Variants in SOX5 observed in about 807,000 individuals in gnomAD.
SOX5 encodes the protein transcription factor SOX-5.
SOX5 carries 9 observed loss-of-function variants against 92.0 expected under a neutral mutation model. The observed-to-expected ratio is 0.10, with a 90% confidence interval of 0.06 to 0.17. The LOEUF (loss-of-function observed/expected upper bound fraction) is 0.17, where lower values mean the gene tolerates loss of function less well. Ranked by LOEUF, SOX5 falls within the 10% of genes least tolerant of loss-of-function variation. SOX5 has a pLI of 1.00. For synonymous variants in SOX5, 344 were observed against 336.3 expected (o/e 1.02, Z -0.25); for missense variants, 642 against 944.5 (o/e 0.68, Z 4.20).
At chr12:24,266,106 G>A (rs934054421) in intron 3 of SOX5, among the ~76,000 whole-genome samples, 1 of 150,222 alleles carries the variant, frequency 6.7e-6, no homozygotes, top group Non-Finnish European at 1.5e-5. Context: ...TGGAGATGGG[G>A]TTTCACCATG....
At chr12:23,829,966 A>G (rs188296437) in intron 3 of SOX5, among the ~76,000 whole-genome samples, 2 of 152,176 alleles carry the variant, frequency 1.3e-5, no homozygotes, top group African/African-American at 4.8e-5. Flanking sequence ...AGGACCTGCT[A>G]TATAAAAAGA....
At position 24,264,135 on chromosome 12, in the gene SOX5, T is replaced by C. The variant is rs367721035; in HGVS notation, c.-77+13081A>G. 7.9e-5 allele frequency among the ~76,000 whole-genome samples: 12 copies of C among 152,194 alleles called. No homozygotes were observed. In the East Asian group the frequency reaches 1.3e-3, roughly 17 times the overall value. On this transcript the variant is annotated intron_variant, in intron 3 of 4. Transcript: ENST00000446891. ...AGGGAGAGGTGAGGGAATAAAGATA[T>C]GACAAGAGTTTTTAAAAGGTTAACC...
chr12:24,212,726 T>A (rs1037516275), intron 4 of SOX5, among the ~76,000 whole-genome samples: 2 of 152,218 alleles, frequency 1.3e-5, no homozygotes, highest in African/African-American at 2.4e-5. Context: ...CCTTGCACAA[T>A]GACTGCTGAA....
chr12:24,249,990 G>A (rs1939702590), intron 3 of SOX5, among the ~76,000 whole-genome samples: 1 of 152,094 alleles, frequency 6.6e-6, no homozygotes, highest in Non-Finnish European at 1.5e-5. Context: ...TAGGGAAGCA[G>A]GCATATCTTC....
Position 24,049,638 on chromosome 12 carries a change from G to GTTTT in SOX5, c.-1-153618_-1-153615dup, listed in dbSNP as rs527647441. On this transcript the variant is annotated intron_variant, in intron 4 of 4. Transcript: ENST00000446891. ...TGTTGATATTTTCCAATCCTTCATA[G>GTTTT]TTTTTTTTTTTTTTTTTTTTTTTTT... is the stretch of plus-strand genomic sequence containing the variant. Among the ~76,000 whole-genome samples, 171 of 73,768 alleles carry GTTTT rather than the reference G, an allele frequency of 2.3e-3. 15 individuals are homozygous for GTTTT. Among genetic ancestry groups the GTTTT allele is most frequent in the African/African-American group, 8.7e-3 (147 of 16,844 alleles). 48.4% of individuals were successfully genotyped at this position (73,768 alleles called of 152,430 possible).
At chr12:23,603,572 G>A (rs1015147890) in intron 9 of SOX5, among the ~76,000 whole-genome samples, 16 of 150,318 alleles carry the variant, frequency 1.1e-4, no homozygotes, top group African/African-American at 3.9e-4. Flanking sequence ...ACTGCTTTAC[G>A]ATCACTCTTC....
chr12:24,121,730 TA>T (rs1408990947), intron 4 of SOX5, among the ~76,000 whole-genome samples: 1 of 150,124 alleles, frequency 6.7e-6, no homozygotes, highest in Non-Finnish European at 1.5e-5. Context: ...CTACTAAAAA[TA>T]AAAAATCAGC....
At chr12:23,558,548 T>C (rs921664726) in intron 11 of SOX5, among the ~76,000 whole-genome samples, 3 of 152,212 alleles carry the variant, frequency 2.0e-5, no homozygotes, top group Admixed American at 6.5e-5. Flanking sequence ...GTTGATGAAC[T>C]CATGCCACCA....
rs2074985446 is a variant in SOX5 at position 23,604,473 on chromosome 12, T to G, written c.1078A>C (p.Ile360Leu). Residue 360 changes from isoleucine (I) to leucine (L), a missense_variant, in exon 9 of 15, where the codon ATA (isoleucine) becomes CTA (leucine). Ile to Leu is a conservative substitution (Grantham distance 5). Coordinates refer to ENST00000451604, the MANE Select transcript of SOX5 (RefSeq NM_006940.6). ...GCAGCACCAAGGTTGCCTTGGGGTA[T>G]GCCTGGCAGCTTCCCTCCTGGAGAT... is the stretch of plus-strand genomic sequence containing the variant. ...QVSPGGKLPG[I>L]PQGNLGAAVS... 6.2e-7 allele frequency: 1 copy of G among 1,613,774 alleles called. No homozygotes were observed.
chr12:23,714,702 T>A (rs923444289), intron 6 of SOX5, among the ~76,000 whole-genome samples: 9 of 152,162 alleles, frequency 5.9e-5, no homozygotes, highest in Non-Finnish European at 1.0e-4. Flanking sequence ...ATGCCATGCT[T>A]TGAGATAACT....
chr12:24,140,238 G>A (rs11047278), intron 4 of SOX5, among the ~76,000 whole-genome samples: 3,447 of 152,182 alleles, frequency 0.023, 55 homozygotes, highest in South Asian at 0.05. Flanking sequence ...AGGAAGCTAT[G>A]GGGGTAAGGG....
At chr12:24,094,092 G>A (rs932034573) in intron 4 of SOX5, among the ~76,000 whole-genome samples, 3 of 151,824 alleles carry the variant, frequency 2.0e-5, no homozygotes, top group Non-Finnish European at 4.4e-5. Context: ...GATTACAGGC[G>A]CCCGCCACCA....
At chr12:24,490,778 T>G (rs1946983902) in intron 1 of SOX5, among the ~76,000 whole-genome samples, 1 of 152,176 alleles carries the variant, frequency 6.6e-6, no homozygotes, top group South Asian at 2.1e-4. Context: ...CTCATTTCCT[T>G]GTTATTGTCT....
chr12:23,587,256 T>C (rs1015057505), intron 9 of SOX5, among the ~76,000 whole-genome samples: 4 of 152,038 alleles, frequency 2.6e-5, no homozygotes, highest in African/African-American at 9.7e-5. Flanking sequence ...AACATCTCCA[T>C]ATATTTTATT....
intron 9 of SOX5, among the ~76,000 whole-genome samples, chr12:23,585,838 T>C (rs1950640678): frequency 6.6e-6 from 1 of 151,914 alleles, no homozygotes; most frequent in South Asian, 2.1e-4. Flanking sequence ...ATGGAGGATA[T>C]CTCCTCTCTT....
Position 24,329,085 on chromosome 12 carries a change from T to C in SOX5, c.-174+39478A>G, listed in dbSNP as rs530510102. ...CTGGATATTCCCATGTGCTTATAGG[T>C]CATATACTAAAATGCTACCAAGGTT... On this transcript the variant is annotated intron_variant, in intron 2 of 4. Coordinates refer to the SOX5 transcript ENST00000446891. Among the ~76,000 whole-genome samples the C allele has an allele frequency of 4.6e-5, 7 of 152,306 alleles. No homozygotes were observed. The South Asian group carries it at 1.5e-3, about 32-fold the overall frequency.
At chr12:23,764,949 T>C (rs111932290) in intron 3 of SOX5, among the ~76,000 whole-genome samples, 3 of 152,176 alleles carry the variant, frequency 2.0e-5, no homozygotes, top group African/African-American at 4.8e-5. Flanking sequence ...TGAAAAGATA[T>C]GAACAATAAA....
chr12:24,196,283 G>A (rs903408938), intron 4 of SOX5, among the ~76,000 whole-genome samples: 1 of 152,300 alleles, frequency 6.6e-6, no homozygotes, highest in East Asian at 1.9e-4. Flanking sequence ...AGATCGGTTT[G>A]TAATTAAAAA....
chr12:23,816,787 T>C (rs1225939548), intron 3 of SOX5, among the ~76,000 whole-genome samples: 1 of 152,178 alleles, frequency 6.6e-6, no homozygotes, highest in Admixed American at 6.5e-5. Context: ...TCACTATGGC[T>C]GCAGGTTGAC....
Sources: allele counts gnomAD v4.1 joint callset (sites outside exome capture counted in the v4.1 genomes callset), GRCh38; gene constraint gnomAD v4.1.1; transcripts MANE v1.5; gene names NCBI Gene and HGNC (gene_info 2026-07-23, HGNC 2026-07-21).